The following PASD1 variants were observed in gnomAD, a reference collection of about 807,000 sequenced individuals.
PASD1 encodes PAS domain containing repressor 1.
A neutral mutation model predicts 58.8 loss-of-function variants in PASD1; 13 were observed. The observed-to-expected ratio is 0.22, with a 90% CI of 0.14 to 0.35. The LOEUF (loss-of-function observed/expected upper bound fraction) is 0.35. Among genes scored for constraint, PASD1 ranks in the 10% least tolerant of loss-of-function variants. PASD1 has a pLI of 1.00. For missense variants in PASD1, 734 were observed against 568.3 expected, an observed-to-expected ratio of 1.29 and a Z score of -2.96; for synonymous variants, 236 against 216.7, an observed-to-expected ratio of 1.09 and a Z score of -0.78.
In PASD1 at chrX:151,604,868, C is replaced by A. The variant is rs1014214693; in HGVS notation, c.117+134C>A. 13 of 506,461 alleles carry A rather than the reference C, an allele frequency of 2.6e-5. No individual in the cohort carries two copies. In the East Asian group the frequency reaches 4.5e-4, roughly 18 times the overall value. 41.7% of individuals were successfully genotyped at this position (506,461 alleles called of 1,213,427 possible). ...AACCAGGGAGCTTGATAACTTAAAT[C>A]GTCTGAATCAGACTCTCAAACCTGT... On this transcript the variant is annotated intron_variant, in intron 3 of 15. Transcript: ENST00000370357.
chrX:151,580,861 T>C (rs1158457624), intron 1 of PASD1, among the ~76,000 whole-genome samples: 1 of 111,435 alleles, frequency 9.0e-6, no homozygotes, highest in Non-Finnish European at 1.9e-5. Context: ...TTTCAACTTA[T>C]TTTGAATGAG....
At chrX:151,568,372 T>C (rs1463924354) in intron 1 of PASD1, among the ~76,000 whole-genome samples, 2 of 111,611 alleles carry the variant, frequency 1.8e-5, no homozygotes, top group Admixed American at 9.5e-5. Context: ...TATAGAGTGT[T>C]CATGGCCACT....
chrX:151,603,768 C>T (rs966637096), intron 2 of PASD1, among the ~76,000 whole-genome samples: 2 of 111,580 alleles, frequency 1.8e-5, no homozygotes, highest in Admixed American at 9.5e-5. Context: ...TTATGCATGG[C>T]CTCCCTCTTA....
At chrX:151,663,096 T>C (rs1330649303) in intron 10 of PASD1, among the ~76,000 whole-genome samples, 1 of 112,149 alleles carries the variant, frequency 8.9e-6, no homozygotes, top group African/African-American at 3.2e-5. Context: ...CTCTTTGATA[T>C]ATACAGTTCT....
intron 1 of PASD1, among the ~76,000 whole-genome samples, chrX:151,565,448 C>T (rs746374209): frequency 9.0e-6 from 1 of 111,445 alleles, no homozygotes; most frequent in Admixed American, 9.5e-5. Context: ...GGGGCGGGAA[C>T]TGGACCTTTC....
At chrX:151,629,027 T>A (rs1243999444) in intron 8 of PASD1, among the ~76,000 whole-genome samples, 1 of 112,120 alleles carries the variant, frequency 8.9e-6, no homozygotes, top group East Asian at 2.8e-4. Context: ...CTTGTGATTT[T>A]TGCATATTGA....
At chrX:151,626,512 A>C (rs2013790022) in intron 8 of PASD1, among the ~76,000 whole-genome samples, 1 of 111,813 alleles carries the variant, frequency 8.9e-6, no homozygotes, top group Non-Finnish European at 1.9e-5. Flanking sequence ...TGATAAACTC[A>C]TTGTTTGGCA....
At chrX:151,566,691 C>T (rs1474513410) in intron 1 of PASD1, among the ~76,000 whole-genome samples, 2 of 111,865 alleles carry the variant, frequency 1.8e-5, no homozygotes. Context: ...GCTTACTGGG[C>T]GAGCATCCCT....
intron 11 of PASD1, among the ~76,000 whole-genome samples, chrX:151,666,372 C>CT (rs1255458299): frequency 2.8e-5 from 3 of 108,288 alleles, no homozygotes; most frequent in African/African-American, 6.7e-5. Flanking sequence ...TCTCATCCAC[C>CT]TTTTTTTTTC....
chrX:151,617,050 G>A (rs759232815), intron 4 of PASD1, among the ~76,000 whole-genome samples: 29 of 111,049 alleles, frequency 2.6e-4, no homozygotes, highest in African/African-American at 9.1e-4. Flanking sequence ...TTTTTTTGAC[G>A]TGACTGAGAC....
chrX:151,671,775 A>T lies in PASD1; in HGVS notation c.1433A>T (p.Asn478Ile), dbSNP rs756745878. 9 of 1,200,549 alleles carry T rather than the reference A, an allele frequency of 7.5e-6. No homozygotes were observed. The African/African-American group carries it at 1.4e-4, about 19-fold the overall frequency. ...GELQEPCVAF[N>I]QQQLVQQEQH... Reference sequence around the variant, plus strand: ...CTTCAGGAGCCTTGTGTTGCCTTCAACCAGGTATGGAAAGGCTGTTTTAAC... The same window carrying T: ...CTTCAGGAGCCTTGTGTTGCCTTCATCCAGGTATGGAAAGGCTGTTTTAAC... Residue 478 changes from asparagine (N) to isoleucine (I), a missense_variant, in exon 13 of 16, where the codon AAC (asparagine) becomes ATC (isoleucine). Asn to Ile is a moderately radical substitution (Grantham distance 149, BLOSUM62 -3). Coordinates refer to ENST00000370357, the MANE Select transcript of PASD1 (RefSeq NM_173493.3).
At chrX:151,659,198 T>C (rs917082047) in intron 9 of PASD1, among the ~76,000 whole-genome samples, 6 of 112,439 alleles carry the variant, frequency 5.3e-5, no homozygotes, top group Non-Finnish European at 1.1e-4. Flanking sequence ...AGCCCCTGGT[T>C]GGCCTTTTCT....
At chrX:151,626,469 A>G (rs1267265827) in intron 8 of PASD1, among the ~76,000 whole-genome samples, 1 of 111,793 alleles carries the variant, frequency 8.9e-6, no homozygotes, top group African/African-American at 3.3e-5. Context: ...TAAAATATAA[A>G]TTATTTATAA....
chrX:151,664,381 G>T, intron 11 of PASD1, 33 bp downstream of exon 11: 1 of 1,203,449 alleles, frequency 8.3e-7, no homozygotes, highest in South Asian at 1.8e-5. Context: ...CTCGCTTCAC[G>T]TTTGTCTGGA....
chrX:151,649,258 G>A (rs1475789684), intron 9 of PASD1, among the ~76,000 whole-genome samples: 1 of 111,749 alleles, frequency 8.9e-6, no homozygotes, highest in Admixed American at 9.4e-5. Flanking sequence ...CATTTCCCAC[G>A]TTAAAAAGTG....
Position 151,611,764 on chromosome X carries a change from TC to T in PASD1, c.207+12del. 1 of 1,170,822 alleles carries T rather than the reference TC, an allele frequency of 8.5e-7. No individual in the cohort carries two copies. Among genetic ancestry groups the T allele is most frequent in the Non-Finnish European group, 1.2e-6 (1 of 864,223 alleles). On this transcript the variant is annotated intron_variant, in intron 4 of 15. Coordinates refer to ENST00000370357, the MANE Select transcript of PASD1 (RefSeq NM_173493.3). The stretch of plus-strand genomic sequence containing the variant: ...CTTGGACATTTACCAGTAAGTTCTT[TC>T]TACTTTTGGGAAAGTGGATCATTCT...
At chrX:151,668,464 G>T (rs1422926855) in intron 11 of PASD1, among the ~76,000 whole-genome samples, 1 of 110,540 alleles carries the variant, frequency 9.0e-6, no homozygotes, top group Non-Finnish European at 1.9e-5. Flanking sequence ...CCGCTAGCAA[G>T]ACTAATAAAG....
intron 1 of PASD1, among the ~76,000 whole-genome samples, chrX:151,588,117 A>G (rs931878953): frequency 1.1e-4 from 12 of 111,732 alleles, no homozygotes; most frequent in African/African-American, 3.9e-4. Context: ...GCCATAATGC[A>G]TTTTCCCCTA....
intron 9 of PASD1, among the ~76,000 whole-genome samples, chrX:151,653,009 C>G (rs1020557330): frequency 9.1e-6 from 1 of 109,502 alleles, no homozygotes; most frequent in Non-Finnish European, 1.9e-5. Flanking sequence ...TTAAAAGAGT[C>G]ACAGTGTTGA....
Sources: gnomAD v4.1 joint callset for allele counts (sites outside exome capture counted in the v4.1 genomes callset) on GRCh38, gnomAD v4.1.1 for gene constraint, MANE v1.5 for transcripts, NCBI Gene and HGNC (gene_info 2026-07-23, HGNC 2026-07-21) for gene names.